Variants in IGSF3 observed in about 807,000 individuals in gnomAD.
IGSF3 encodes the protein immunoglobulin superfamily member 3.
In IGSF3, 23 loss-of-function variants were observed where a neutral mutation model predicts 114.4. The ratio of observed to expected loss-of-function variants is 0.20; its 90% CI spans 0.14 to 0.28. The LOEUF (loss-of-function observed/expected upper bound fraction) is 0.28. Ranked by LOEUF, IGSF3 falls within the 10% of genes least tolerant of loss-of-function variation. The probability of loss-of-function intolerance (pLI) is 1.00; values close to 1 mark genes in which losing one functional copy is unlikely to be tolerated. For synonymous variants in IGSF3, 571 were observed against 645.2 expected (o/e 0.88, Z 1.74); for missense variants, 1,172 against 1,591.5 (o/e 0.74, Z 4.48).
At position 116,588,617 on chromosome 1, in the gene IGSF3, C is replaced by T; in HGVS notation, c.2440+77G>A. 7.3e-7 allele frequency: 1 copy of T among 1,370,678 alleles called. No homozygotes were observed. Among genetic ancestry groups the T allele is most frequent in the Non-Finnish European group, 9.9e-7 (1 of 1,007,118 alleles). 84.9% of individuals were successfully genotyped at this position (1,370,678 alleles called of 1,614,324 possible). A position where few individuals can be genotyped will look rare whatever the true frequency, so the allele number is the denominator to read the frequency against. The stretch of plus-strand genomic sequence containing the variant: ...GCAGACAGTCTCTCCACACCAGCCC[C>T]ACAGATCCCCACCCACCCCCAGGCA... On this transcript the variant is annotated intron_variant, in intron 8 of 10. Transcript: ENST00000369486. The surrounding 1 kb of genome is among the most constrained non-coding windows in gnomAD (Gnocchi z 4.9).
chr1:116,612,867 C>T lies in IGSF3; in HGVS notation c.832+898G>A, dbSNP rs140634894. ...GCCCAGCAGAGGCAGCCAGCAACAGCTGTCAGCTCTGGCCTGGAGCCTGGT... is the reference window on the plus strand; with the variant it reads ...GCCCAGCAGAGGCAGCCAGCAACAGTTGTCAGCTCTGGCCTGGAGCCTGGT... On this transcript the variant is annotated intron_variant, in intron 4 of 10. Coordinates refer to ENST00000369486, the MANE Select transcript of IGSF3 (RefSeq NM_001007237.3). This position sits in a 1 kb window ranked among gnomAD's most constrained non-coding sequence, Gnocchi z 4.1. 0.022 allele frequency among the ~76,000 whole-genome samples: 3,288 copies of T among 152,322 alleles called. 107 individuals carry two copies. The highest frequency in any genetic ancestry group is 0.075 in the African/African-American group (3,132 of 41,552).
intron 6 of IGSF3, among the ~76,000 whole-genome samples, chr1:116,602,176 G>A (rs1170064272): frequency 6.6e-6 from 1 of 152,186 alleles, no homozygotes; most frequent in Non-Finnish European, 1.5e-5. Flanking sequence ...GTGGAGATCA[G>A]GTGAACAGTG....
rs3216632 is a variant in IGSF3 at position 116,598,260 on chromosome 1, C to CA, written c.2029+1680dup. Among the ~76,000 whole-genome samples the CA allele has an allele frequency of 4.1e-4, 59 of 143,544 alleles. No homozygotes were observed. In the East Asian group the frequency reaches 4.7e-3, roughly 11 times the overall value. 94.2% of individuals were successfully genotyped at this position (143,544 alleles called of 152,430 possible). A position where few individuals can be genotyped will look rare whatever the true frequency, so the allele number is the denominator to read the frequency against. On this transcript the variant is annotated intron_variant, in intron 7 of 10. Transcript: ENST00000369486. This position sits in a 1 kb window ranked among gnomAD's most constrained non-coding sequence, Gnocchi z 4.3. The stretch of plus-strand genomic sequence containing the variant: ...AACTGACCTTGAGAGCCAGAGGGGA[C>CA]AAAAAAAAAAGGTGCAATTACAATC...
At position 116,658,006 on chromosome 1, in the gene IGSF3, G is replaced by A. The variant is rs550427952; in HGVS notation, c.43+8278C>T. Among the ~76,000 whole-genome samples the A allele has an allele frequency of 1.3e-4, 19 of 151,452 alleles. 1 individual carries two copies. Among genetic ancestry groups the A allele is most frequent in the Admixed American group, 1.2e-3 (18 of 15,216 alleles). ...TCCGAGTTCACAGTTTTGTTAGAAT[G>A]TCTTTGCTCTGATTATGGTTTTTTT... On this transcript the variant is annotated intron_variant, in intron 2 of 10. Transcript: ENST00000369486.
At position 116,588,552 on chromosome 1, in the gene IGSF3, G is replaced by A. The variant is rs1659949552; in HGVS notation, c.2440+142C>T. On this transcript the variant is annotated intron_variant, in intron 8 of 10. Transcript: ENST00000369486. The surrounding 1 kb of genome is among the most constrained non-coding windows in gnomAD (Gnocchi z 4.9). ...GGATGGGATTGCAGTGTGCTAGGGTGATGGTCCGTGTACCTGCACCCATAC... is the reference window on the plus strand; with the variant it reads ...GGATGGGATTGCAGTGTGCTAGGGTAATGGTCCGTGTACCTGCACCCATAC... 4 of 742,434 alleles carry A rather than the reference G, an allele frequency of 5.4e-6. No homozygotes were observed. 46.0% of individuals were successfully genotyped at this position (742,434 alleles called of 1,614,324 possible). A position where few individuals can be genotyped will look rare whatever the true frequency, so the allele number is the denominator to read the frequency against.
chr1:116,587,069 G>C (rs1220270588), intron 8 of IGSF3, among the ~76,000 whole-genome samples: 2 of 152,016 alleles, frequency 1.3e-5, no homozygotes, highest in Non-Finnish European at 2.9e-5. Context: ...GCAGGGCACA[G>C]GCCACATGTG....
In IGSF3 at chr1:116,650,140, C is replaced by T. The variant is rs556390283; in HGVS notation, c.43+16144G>A. On this transcript the variant is annotated intron_variant, in intron 2 of 10. Transcript: ENST00000369486. This position sits in a 1 kb window ranked among gnomAD's most constrained non-coding sequence, Gnocchi z 5.0. ...AATGGTACAAGAAGAAATCCTGTTT[C>T]ATGCTCCTTTGAGGGAGTGTCTAAC... 6.6e-6 allele frequency among the ~76,000 whole-genome samples: 1 copy of T among 152,188 alleles called. No individual in the cohort carries two copies. Among genetic ancestry groups the T allele is most frequent in the Non-Finnish European group, 1.5e-5 (1 of 68,034 alleles).
At position 116,601,735 on chromosome 1, in the gene IGSF3, A is replaced by G. The variant is rs141562059; in HGVS notation, c.1625-1390T>C. Among the ~76,000 whole-genome samples, 937 of 152,284 alleles carry G rather than the reference A, an allele frequency of 6.2e-3. 13 individuals carry two copies. Among genetic ancestry groups the G allele is most frequent in the African/African-American group, 0.021 (891 of 41,556 alleles). On this transcript the variant is annotated intron_variant, in intron 6 of 10. Transcript: ENST00000369486. The stretch of plus-strand genomic sequence containing the variant: ...CATAAGCTATCTCTATATACCCTTT[A>G]AAAAAGTTTATGACACGGAGGCCCA...
rs915680345 is a variant in IGSF3 at position 116,584,780 on chromosome 1, T to C, written c.2713A>G (p.Ile905Val). ...SPSPGVYRLF[I>V]QNVAVQDSGT... ...CTGTCCTGCACAGCCACGTTCTGGA[T>C]GAAGAGACGGTACACGCCGGGGGAA... The change falls in exon 9 of 11, where the codon ATC becomes GTC. Residue 905 changes from isoleucine (I) to valine (V), a missense_variant. Ile to Val is a conservative substitution (Grantham distance 29). Transcript: ENST00000369486. The surrounding 1 kb of genome is among the most constrained non-coding windows in gnomAD (Gnocchi z 5.8). The C allele has an allele frequency of 5.6e-6, 9 of 1,614,124 alleles. No individual in the cohort carries two copies. Among genetic ancestry groups the C allele is most frequent in the African/African-American group, 1.3e-5 (1 of 74,942 alleles).
At chr1:116,652,105 C>T (rs116798444) in intron 2 of IGSF3, among the ~76,000 whole-genome samples, 50 of 152,138 alleles carry the variant, frequency 3.3e-4, no homozygotes, top group African/African-American at 1.2e-3. Flanking sequence ...ATTTCTGATA[C>T]TGATGATATA....
chr1:116,589,117 G>A lies in IGSF3; in HGVS notation c.2030-13C>T, dbSNP rs539763690. On this transcript the variant is annotated splice_polypyrimidine_tract_variant and intron_variant, in intron 7 of 10. Coordinates refer to ENST00000369486, the MANE Select transcript of IGSF3 (RefSeq NM_001007237.3). This position sits in a 1 kb window ranked among gnomAD's most constrained non-coding sequence, Gnocchi z 5.7. The stretch of plus-strand genomic sequence containing the variant: ...TGCAGCTTTGTCACTGCAAAGGAAA[G>A]GGGAACACAGGAATCACCACAGACT... 6.7e-5 allele frequency: 108 copies of A among 1,603,708 alleles called. No individual in the cohort carries two copies. In the South Asian group the frequency reaches 9.6e-4, roughly 14 times the overall value.
At chr1:116,599,387 CATAT>C (rs886290988) in intron 7 of IGSF3, among the ~76,000 whole-genome samples, 2 of 120,304 alleles carry the variant, frequency 1.7e-5, no homozygotes, top group East Asian at 4.1e-4. Context: ...CAGACACATA[CATAT>C]ACACACACAC....
rs1647946229 is a variant in IGSF3 at position 116,638,758 on chromosome 1, C to T, written c.44-22301G>A. ...CAGCAATAGGACCAGCTAACTCCTACAGCAGAGTCTTGCCAGGCCCTCCCC... is the reference window on the plus strand; with the variant it reads ...CAGCAATAGGACCAGCTAACTCCTATAGCAGAGTCTTGCCAGGCCCTCCCC... On this transcript the variant is annotated intron_variant, in intron 2 of 10. Transcript: ENST00000369486. The surrounding 1 kb of genome is among the most constrained non-coding windows in gnomAD (Gnocchi z 4.1). Among the ~76,000 whole-genome samples, 1 of 152,218 alleles carries T rather than the reference C, an allele frequency of 6.6e-6. No homozygotes were observed. The highest frequency in any genetic ancestry group is 1.5e-5 in the Non-Finnish European group (1 of 68,040).
chr1:116,632,284 C>A lies in IGSF3; in HGVS notation c.44-15827G>T, dbSNP rs961402892. ...CTGACCATCCCCCAAAACCTCCCAC[C>A]CCACCTAGTGCTGATAACAGGAGTT... On this transcript the variant is annotated intron_variant, in intron 2 of 10. Coordinates refer to ENST00000369486, the MANE Select transcript of IGSF3 (RefSeq NM_001007237.3). This position sits in a 1 kb window ranked among gnomAD's most constrained non-coding sequence, Gnocchi z 5.1. Among the ~76,000 whole-genome samples the A allele has an allele frequency of 2.0e-5, 3 of 152,136 alleles. No homozygotes were observed. The highest frequency in any genetic ancestry group is 7.2e-5 in the African/African-American group (3 of 41,414).
chr1:116,607,884 A>G lies in IGSF3; in HGVS notation c.1222+58T>C. On this transcript the variant is annotated intron_variant, in intron 5 of 10. Transcript: ENST00000369486. The surrounding 1 kb of genome is among the most constrained non-coding windows in gnomAD (Gnocchi z 6.1). ...TCACCACGCTATTCTCTCTCCCCCTACCTCTCCTAAATGATGCTGAGCCAA... is the reference window on the plus strand; with the variant it reads ...TCACCACGCTATTCTCTCTCCCCCTGCCTCTCCTAAATGATGCTGAGCCAA... 1 of 1,535,376 alleles carries G rather than the reference A, an allele frequency of 6.5e-7. No homozygotes were observed. The highest frequency in any genetic ancestry group is 8.9e-7 in the Non-Finnish European group (1 of 1,119,564).
Position 116,579,777 on chromosome 1 carries a change from G to A in IGSF3, c.2949C>T (p.Asp983=). ...AATACCAGGCCACAGCGAAGCGGGAGTCCTGGCTGGAGCGGGACACGATGC... is the reference window on the plus strand; with the variant it reads ...AATACCAGGCCACAGCGAAGCGGGAATCCTGGCTGGAGCGGGACACGATGC... ...DCSIVSRSSQ[D]SRFAVAWYSL... Residue 983 remains aspartate (D), a synonymous_variant, in exon 10 of 11, where the codon GAC becomes GAT. Coordinates refer to ENST00000369486, the MANE Select transcript of IGSF3 (RefSeq NM_001007237.3). The surrounding 1 kb of genome is among the most constrained non-coding windows in gnomAD (Gnocchi z 6.4). The A allele has an allele frequency of 6.2e-7, 1 of 1,614,180 alleles. No individual in the cohort carries two copies. The highest frequency in any genetic ancestry group is 8.5e-7 in the Non-Finnish European group (1 of 1,180,042).
In IGSF3 at chr1:116,666,947, G is replaced by A. The variant is rs1649357542; in HGVS notation, c.-621C>T. 5.0e-6 allele frequency: 2 copies of A among 401,794 alleles called. No individual in the cohort carries two copies. The highest frequency in any genetic ancestry group is 8.8e-6 in the Non-Finnish European group (2 of 228,412). 24.9% of individuals were successfully genotyped at this position (401,794 alleles called of 1,614,324 possible). On this transcript the variant is annotated 5_prime_UTR_variant, in exon 2 of 11. Transcript: ENST00000369486. The stretch of plus-strand genomic sequence containing the variant: ...CAGCCCTGAAGCGGTACCCCAGCGC[G>A]AGCAGATTTCTAAAACAAACACAAC...
chr1:116,611,185 C>T (rs908782816), intron 4 of IGSF3, among the ~76,000 whole-genome samples: 2 of 152,172 alleles, frequency 1.3e-5, no homozygotes, highest in African/African-American at 4.8e-5. Flanking sequence ...CTTTCTGAAA[C>T]CCTGATCTGA....
chr1:116,606,993 G>A (rs958563165), intron 5 of IGSF3, among the ~76,000 whole-genome samples: 2 of 152,148 alleles, frequency 1.3e-5, no homozygotes, highest in African/African-American at 2.4e-5. Flanking sequence ...GCTACTTGAA[G>A]AGAAATATCA....
Sources: gnomAD v4.1 joint callset for allele counts (sites outside exome capture counted in the v4.1 genomes callset) on GRCh38, gnomAD v4.1.1 for gene constraint, Gnocchi (gnomAD v3.1) non-coding constraint, MANE v1.5 for transcripts, NCBI Gene and HGNC (gene_info 2026-07-23, HGNC 2026-07-21) for gene names.